The following NKAIN2 variants were observed in gnomAD, a reference collection of about 807,000 sequenced individuals.
NKAIN2 encodes sodium/potassium transporting ATPase interacting 2, also known as sodium/potassium-transporting ATPase subunit beta-1-interacting protein 2.
In NKAIN2, 14 loss-of-function variants were observed where a neutral mutation model predicts 32.6. The ratio of observed to expected loss-of-function variants is 0.43; its 90% CI spans 0.28 to 0.67. NKAIN2 has a LOEUF of 0.67. NKAIN2 is among the 30% of genes least tolerant of loss of function. NKAIN2 has a pLI of 0.17. For missense variants in NKAIN2, 198 were observed against 258.3 expected (o/e 0.77, Z 1.60); for synonymous variants, 80 against 87.2 (o/e 0.92, Z 0.46).
intron 1 of NKAIN2, among the ~76,000 whole-genome samples, chr6:124,099,494 A>G (rs1030986937): frequency 1.1e-4 from 17 of 152,344 alleles, no homozygotes; most frequent in African/African-American, 4.1e-4. Flanking sequence ...TTAATTATAT[A>G]TACCAATGTA....
At chr6:124,020,182 A>G (rs535179175) in intron 1 of NKAIN2, among the ~76,000 whole-genome samples, 3 of 152,196 alleles carry the variant, frequency 2.0e-5, no homozygotes, top group Admixed American at 6.6e-5. Context: ...TGTGCCATCT[A>G]TGCTTGTTCT....
intron 4 of NKAIN2, among the ~76,000 whole-genome samples, chr6:124,753,999 C>T (rs1181658146): frequency 6.6e-6 from 1 of 152,054 alleles, no homozygotes; most frequent in African/African-American, 2.4e-5. Flanking sequence ...TTACGTAGAA[C>T]AATCAGATCT....
intron 1 of NKAIN2, among the ~76,000 whole-genome samples, chr6:124,210,274 C>G (rs1448690617): frequency 1.3e-5 from 2 of 151,592 alleles, no homozygotes; most frequent in Non-Finnish European, 1.5e-5. Context: ...TATGGGTTGT[C>G]TATTCTGTTC....
chr6:124,184,719 C>T (rs1379613593), intron 1 of NKAIN2, among the ~76,000 whole-genome samples: 1 of 152,124 alleles, frequency 6.6e-6, no homozygotes, highest in African/African-American at 2.4e-5. Flanking sequence ...GAGATGTTCT[C>T]CTAATTTTGA....
At chr6:124,481,280 T>G (rs1214772429) in intron 3 of NKAIN2, among the ~76,000 whole-genome samples, 1 of 152,028 alleles carries the variant, frequency 6.6e-6, no homozygotes, top group Non-Finnish European at 1.5e-5. Context: ...CAAGTTTCAG[T>G]TGGCATTAAA....
chr6:124,624,927 A>ATT (rs34965945), intron 3 of NKAIN2, among the ~76,000 whole-genome samples: 2 of 151,920 alleles, frequency 1.3e-5, no homozygotes, highest in East Asian at 3.8e-4. Flanking sequence ...AAAGTGTCTC[A>ATT]TTTTTTCTTG....
chr6:124,803,587 G>T (rs188489983), intron 5 of NKAIN2, among the ~76,000 whole-genome samples: 1 of 152,266 alleles, frequency 6.6e-6, no homozygotes, highest in East Asian at 1.9e-4. Flanking sequence ...TTTTTCTACA[G>T]TATGTCACAC....
At chr6:123,879,948 C>G (rs1368579371) in intron 1 of NKAIN2, among the ~76,000 whole-genome samples, 1 of 152,140 alleles carries the variant, frequency 6.6e-6, no homozygotes, top group Non-Finnish European at 1.5e-5. Flanking sequence ...TCATGTTCTC[C>G]CTGGTGTCTT....
At chr6:123,860,483 T>C (rs1353212472) in intron 1 of NKAIN2, among the ~76,000 whole-genome samples, 1 of 152,134 alleles carries the variant, frequency 6.6e-6, no homozygotes, top group Non-Finnish European at 1.5e-5. Context: ...CTGTCATGGC[T>C]CACTGCAGTC....
At chr6:124,369,705 T>C (rs141915616) in intron 3 of NKAIN2, among the ~76,000 whole-genome samples, 2 of 151,914 alleles carry the variant, frequency 1.3e-5, no homozygotes, top group Non-Finnish European at 2.9e-5. Flanking sequence ...GTATGTCCAA[T>C]TCCTCATACC....
At chr6:123,987,602 T>A (rs967566676) in intron 1 of NKAIN2, among the ~76,000 whole-genome samples, 1 of 152,170 alleles carries the variant, frequency 6.6e-6, no homozygotes, top group African/African-American at 2.4e-5. Context: ...CTCATGTGAT[T>A]GTAGCAGAAT....
intron 2 of NKAIN2, among the ~76,000 whole-genome samples, chr6:124,349,136 G>T (rs1471786087): frequency 6.6e-6 from 1 of 152,058 alleles, no homozygotes; most frequent in Admixed American, 6.6e-5. Flanking sequence ...TTAGACACGT[G>T]GACATATTGT....
intron 1 of NKAIN2, among the ~76,000 whole-genome samples, chr6:124,068,531 C>T (rs995625512): frequency 4.0e-5 from 6 of 151,882 alleles, no homozygotes; most frequent in Non-Finnish European, 5.9e-5. Flanking sequence ...GCTGGGACTA[C>T]GGGCATGGTT....
intron 1 of NKAIN2, among the ~76,000 whole-genome samples, chr6:124,156,238 G>A (rs1297458628): frequency 6.6e-6 from 1 of 152,104 alleles, no homozygotes; most frequent in African/African-American, 2.4e-5. Flanking sequence ...TAAGTGGAAT[G>A]GACTATATGT....
chr6:124,379,180 G>GA, intron 3 of NKAIN2, among the ~76,000 whole-genome samples: 1 of 58,544 alleles, frequency 1.7e-5, no homozygotes, highest in African/African-American at 6.1e-5. Flanking sequence ...AGGGAGGGAA[G>GA]AGGAGGGGAG....
intron 1 of NKAIN2, among the ~76,000 whole-genome samples, chr6:123,814,709 A>G (rs943734255): frequency 1.3e-5 from 2 of 152,144 alleles, no homozygotes; most frequent in Non-Finnish European, 2.9e-5. Context: ...AAGTTTACAT[A>G]GTGATTTGAT....
intron 1 of NKAIN2, among the ~76,000 whole-genome samples, chr6:123,826,989 C>T (rs925545666): frequency 1.3e-5 from 2 of 152,116 alleles, no homozygotes; most frequent in African/African-American, 4.8e-5. Flanking sequence ...AGTTCCTCTG[C>T]ATCCTGGCTG....
intron 3 of NKAIN2, chr6:124,437,975 T>C (rs968265703): frequency 1.4e-5 from 6 of 417,992 alleles, no homozygotes; most frequent in South Asian, 5.3e-5. Flanking sequence ...CAGCTCCTTA[T>C]ATCTGGAAAT....
chr6:124,255,038 A>C (rs971088488), intron 1 of NKAIN2, among the ~76,000 whole-genome samples: 4 of 152,224 alleles, frequency 2.6e-5, no homozygotes, highest in Non-Finnish European at 4.4e-5. Flanking sequence ...GTGAACTAGT[A>C]GAGTCCGGCT....
Sources: allele counts gnomAD v4.1 joint callset (sites outside exome capture counted in the v4.1 genomes callset), GRCh38; gene constraint gnomAD v4.1.1; transcripts MANE v1.5; gene names NCBI Gene and HGNC (gene_info 2026-07-23, HGNC 2026-07-21).